TP73: variants seen among roughly 807,000 people sequenced by gnomAD.
The protein encoded by TP73 is tumor protein p73.
In TP73, 25 loss-of-function variants were observed where a neutral mutation model predicts 62.5. That is an observed-to-expected ratio of 0.40 (90% confidence interval 0.29 to 0.56). The LOEUF (loss-of-function observed/expected upper bound fraction) is 0.56. Among genes scored for constraint, TP73 ranks in the 20% least tolerant of loss-of-function variants. The pLI, the probability that TP73 is intolerant of heterozygous loss-of-function variation, is 0.46. For synonymous variants in TP73, 423 were observed against 377.5 expected (o/e 1.12, Z -1.40); for missense variants, 754 against 913.3 (o/e 0.83, Z 2.25).
rs370927489 is a variant in TP73 at position 3,699,740 on chromosome 1, G to C, written c.187-7809G>C. On this transcript the variant is annotated intron_variant, in intron 3 of 13. Coordinates refer to ENST00000378295, the MANE Select transcript of TP73 (RefSeq NM_005427.4). The surrounding 1 kb of genome is among the most constrained non-coding windows in gnomAD (Gnocchi z 4.1). ...GGGCGGGGAGCAGGGATGCTCGGGCGGGGGCAGGAGCTGGAGAGGTGACAG... is the reference window on the plus strand; with the variant it reads ...GGGCGGGGAGCAGGGATGCTCGGGCCGGGGCAGGAGCTGGAGAGGTGACAG... Among the ~76,000 whole-genome samples the C allele has an allele frequency of 2.0e-5, 3 of 152,212 alleles. No individual in the cohort carries two copies. The highest frequency in any genetic ancestry group is 4.4e-5 in the Non-Finnish European group (3 of 68,038).
intron 3 of TP73, among the ~76,000 whole-genome samples, chr1:3,705,815 T>C (rs1321563302): frequency 6.6e-6 from 1 of 152,196 alleles, no homozygotes; most frequent in Non-Finnish European, 1.5e-5. Flanking sequence ...TCCTTCTCCA[T>C]TGGATGCTGG....
intron 6 of TP73, 98 bp downstream of exon 6, chr1:3,723,567 T>C: frequency 1.7e-6 from 1 of 593,528 alleles, no homozygotes; most frequent in Non-Finnish European, 3.0e-6. Flanking sequence ...CTCAGTTGGC[T>C]GATCTGCCTG....
Position 3,662,644 on chromosome 1 carries a change from G to A in TP73, c.-34+10003G>A, listed in dbSNP as rs1375273205. ...GTGTCTGCAGTTACTCGAAATAATG[G>A]ATATACCCAAGGCATGTTTGGGGTG... On this transcript the variant is annotated intron_variant, in intron 1 of 13. Coordinates refer to ENST00000378295, the MANE Select transcript of TP73 (RefSeq NM_005427.4). This position sits in a 1 kb window ranked among gnomAD's most constrained non-coding sequence, Gnocchi z 4.4. Among the ~76,000 whole-genome samples the A allele has an allele frequency of 2.0e-5, 3 of 152,224 alleles. No homozygotes were observed. The highest frequency in any genetic ancestry group is 7.2e-5 in the African/African-American group (3 of 41,456).
In TP73 at chr1:3,714,095, A is replaced by G. The variant is rs552682700; in HGVS notation, c.429+6304A>G. 8 of 152,338 alleles carry G rather than the reference A, an allele frequency of 5.3e-5. No homozygotes were observed. The East Asian group carries it at 1.5e-3, about 29-fold the overall frequency. 9.4% of individuals were successfully genotyped at this position (152,338 alleles called of 1,614,324 possible). A position where few individuals can be genotyped will look rare whatever the true frequency, so the allele number is the denominator to read the frequency against. On this transcript the variant is annotated intron_variant, in intron 4 of 13. Transcript: ENST00000378295. ...GGAGACACCACTCTCTGCAGGGGTCAGAGATTCGGAGGCCAAAATTCTCCT... is the reference window on the plus strand; with the variant it reads ...GGAGACACCACTCTCTGCAGGGGTCGGAGATTCGGAGGCCAAAATTCTCCT...
At chr1:3,682,197 G>A (rs1182645563) in intron 1 of TP73, 136 bp from the exon 2 acceptor site, 14 of 569,684 alleles carry the variant, frequency 2.5e-5, no homozygotes. Context: ...GAGGGCACAG[G>A]GAGGGCAAGG....
At chr1:3,679,335 G>A (rs985332924) in intron 1 of TP73, among the ~76,000 whole-genome samples, 4 of 152,218 alleles carry the variant, frequency 2.6e-5, no homozygotes, top group East Asian at 3.9e-4. Flanking sequence ...GGGATGCCCC[G>A]TGCACACCTG....
chr1:3,659,923 AC>A (rs1194064370), intron 1 of TP73, among the ~76,000 whole-genome samples: 1 of 152,060 alleles, frequency 6.6e-6, no homozygotes, highest in Middle Eastern at 3.2e-3. Flanking sequence ...CACAGGATCC[AC>A]CCACTTCGGC....
chr1:3,711,846 A>C (rs3819965), intron 4 of TP73, among the ~76,000 whole-genome samples: 2 of 150,110 alleles, frequency 1.3e-5, no homozygotes, highest in Non-Finnish European at 3.0e-5. Flanking sequence ...GAGCGTGTGT[A>C]TGTGTGTGTG....
At chr1:3,685,908 C>A (rs1263487130) in intron 3 of TP73, among the ~76,000 whole-genome samples, 1 of 152,234 alleles carries the variant, frequency 6.6e-6, no homozygotes, top group Non-Finnish European at 1.5e-5. Context: ...CTAGCCCCAC[C>A]ACGAGGCTGG....
intron 1 of TP73, among the ~76,000 whole-genome samples, chr1:3,661,484 G>A (rs866864927): frequency 1.3e-5 from 2 of 151,958 alleles, no homozygotes; most frequent in Non-Finnish European, 2.9e-5. Context: ...TGACATGAGC[G>A]GATCACTAGA....
chr1:3,708,248 T>TC (rs1444089196), intron 4 of TP73: 4 of 194,140 alleles, frequency 2.1e-5, no homozygotes, highest in Non-Finnish European at 3.2e-5. Context: ...GGATTTGGGC[T>TC]TTGCTGGCAC....
Position 3,666,554 on chromosome 1 carries a change from TG to T in TP73, c.-34+13916del, listed in dbSNP as rs1645117964. Among the ~76,000 whole-genome samples the T allele has an allele frequency of 6.6e-6, 1 of 151,860 alleles. No individual in the cohort carries two copies. Among genetic ancestry groups the T allele is most frequent in the African/African-American group, 2.4e-5 (1 of 41,338 alleles). On this transcript the variant is annotated intron_variant, in intron 1 of 13. Coordinates refer to ENST00000378295, the MANE Select transcript of TP73 (RefSeq NM_005427.4). The surrounding 1 kb of genome is among the most constrained non-coding windows in gnomAD (Gnocchi z 6.4). ...AAAGGAAGGGGTCTGACAGTGAAGG[TG>T]GGTGCGTGGGCGGGGGGCTTTTAAT...
intron 3 of TP73, among the ~76,000 whole-genome samples, chr1:3,693,472 T>C (rs997807016): frequency 6.6e-6 from 1 of 152,134 alleles, no homozygotes; most frequent in African/African-American, 2.4e-5. Flanking sequence ...TGGCACAGGG[T>C]TCCAGGTGTG....
intron 1 of TP73, among the ~76,000 whole-genome samples, chr1:3,679,620 C>A (rs1421357875): frequency 6.7e-6 from 1 of 150,350 alleles, no homozygotes. Context: ...TTTTGTCTCT[C>A]TTTGTCCCTG....
intron 1 of TP73, chr1:3,668,917 T>G (rs1463060166): frequency 6.5e-6 from 1 of 152,706 alleles, no homozygotes; most frequent in African/African-American, 2.4e-5. Context: ...GGGTGGCGCG[T>G]GCATGCCAGG....
intron 4 of TP73, among the ~76,000 whole-genome samples, chr1:3,720,170 C>G (rs1640955222): frequency 6.6e-6 from 1 of 152,236 alleles, no homozygotes; most frequent in African/African-American, 2.4e-5. Flanking sequence ...CCTGCCTTGG[C>G]CTCCCAAAGT....
chr1:3,680,868 G>C (rs986063395), intron 1 of TP73, among the ~76,000 whole-genome samples: 11 of 152,260 alleles, frequency 7.2e-5, no homozygotes, highest in African/African-American at 2.7e-4. Context: ...ACGTGATGGT[G>C]AAGTGGGGTG....
At chr1:3,673,975 C>T (rs1434601305) in intron 1 of TP73, among the ~76,000 whole-genome samples, 2 of 152,198 alleles carry the variant, frequency 1.3e-5, no homozygotes, top group Non-Finnish European at 2.9e-5. Flanking sequence ...TGGGTTCGAC[C>T]TCCACCCTGA....
Position 3,724,976 on chromosome 1 carries a change from G to A in TP73, c.732+1507G>A, listed in dbSNP as rs931584965. On this transcript the variant is annotated intron_variant, in intron 6 of 13. Transcript: ENST00000378295. ...AGAAGTTGCAGTGAGCCAAGATCGCGCCATTGCACTCCAGCCTGGGGGACA... is the reference window on the plus strand; with the variant it reads ...AGAAGTTGCAGTGAGCCAAGATCGCACCATTGCACTCCAGCCTGGGGGACA... 5.9e-5 allele frequency among the ~76,000 whole-genome samples: 9 copies of A among 151,774 alleles called. No individual in the cohort carries two copies. In the East Asian group the frequency reaches 1.2e-3, roughly 20 times the overall value.
Sources: gnomAD v4.1 joint callset for allele counts (sites outside exome capture counted in the v4.1 genomes callset) on GRCh38, gnomAD v4.1.1 for gene constraint, Gnocchi (gnomAD v3.1) non-coding constraint, MANE v1.5 for transcripts, NCBI Gene and HGNC (gene_info 2026-07-23, HGNC 2026-07-21) for gene names.